Variants in SLC26A7 observed in about 807,000 individuals in gnomAD.
SLC26A7 encodes solute carrier family 26 member 7.
In SLC26A7, 59 loss-of-function variants were observed where a neutral mutation model predicts 82.5. The observed-to-expected ratio is 0.72, with a 90% CI of 0.58 to 0.89. The LOEUF (loss-of-function observed/expected upper bound fraction) is 0.89. Ranked by LOEUF, SLC26A7 falls within the 40% of genes least tolerant of loss-of-function variation. The pLI is 0.00. For synonymous variants in SLC26A7, 271 were observed against 274.3 expected, an observed-to-expected ratio of 0.99 and a Z score of 0.12; for missense variants, 820 against 793.0, an observed-to-expected ratio of 1.03 and a Z score of -0.41.
chr8:91,328,770 G>A (rs1196332045), intron 5 of SLC26A7, among the ~76,000 whole-genome samples: 1 of 152,090 alleles, frequency 6.6e-6, no homozygotes, highest in African/African-American at 2.4e-5. Context: ...GTGTATGTGT[G>A]TGTGTAAATG....
chr8:91,368,894 CA>C (rs1157697531), intron 14 of SLC26A7, among the ~76,000 whole-genome samples: 1 of 152,128 alleles, frequency 6.6e-6, no homozygotes, highest in African/African-American at 2.4e-5. Context: ...ATAAAATAAC[CA>C]GATGGAAATT....
At chr8:91,388,026 A>G (rs1451869574) in intron 15 of SLC26A7, among the ~76,000 whole-genome samples, 3 of 152,374 alleles carry the variant, frequency 2.0e-5, no homozygotes, top group Admixed American at 2.0e-4. Flanking sequence ...TTTCAAATAC[A>G]TAGAAATTAC....
chr8:91,378,385 T>A (rs1480980379), intron 15 of SLC26A7, among the ~76,000 whole-genome samples: 1 of 146,554 alleles, frequency 6.8e-6, no homozygotes, highest in Non-Finnish European at 1.5e-5. Context: ...ATATAAATAA[T>A]ATATATTATA....
rs1812705965 is a variant in SLC26A7, at chr8:91,318,533, T to C, written c.642+153T>C. Among the ~76,000 whole-genome samples the C allele has an allele frequency of 3.3e-5, 5 of 152,146 alleles. No individual in the cohort carries two copies. The South Asian group carries it at 1.0e-3, about 32-fold the overall frequency. On this transcript the variant is annotated intron_variant, in intron 5 of 18. Coordinates refer to ENST00000276609, the MANE Select transcript of SLC26A7 (RefSeq NM_052832.4). ...GATATTTTGAGTGTGACTTAAGGTA[T>C]GCAACTAATTTAGTGAGTAATTTCT...
intron 3 of SLC26A7, among the ~76,000 whole-genome samples, chr8:91,293,561 T>C (rs1380804635): frequency 2.6e-5 from 4 of 152,194 alleles, no homozygotes; most frequent in Non-Finnish European, 5.9e-5. Context: ...TGCTGGCAAG[T>C]CCTCTCTCTG....
At chr8:91,385,667 G>A (rs1814781095) in intron 15 of SLC26A7, among the ~76,000 whole-genome samples, 1 of 152,106 alleles carries the variant, frequency 6.6e-6, no homozygotes, top group Non-Finnish European at 1.5e-5. Flanking sequence ...AAAAAATAAA[G>A]ACGAAGCAAA....
chr8:91,253,683 A>G (rs1022847080), intron 2 of SLC26A7, among the ~76,000 whole-genome samples: 16 of 151,974 alleles, frequency 1.1e-4, no homozygotes, highest in Admixed American at 7.2e-4. Flanking sequence ...ATCCCTCCCA[A>G]TCTCCTGGGA....
At chr8:91,390,262 A>G (rs901169677) in intron 16 of SLC26A7, among the ~76,000 whole-genome samples, 4 of 151,740 alleles carry the variant, frequency 2.6e-5, no homozygotes, top group Admixed American at 1.3e-4. Flanking sequence ...GACTACAGGC[A>G]CCTGCCACCA....
At chr8:91,393,145 A>G (rs982517216) in intron 16 of SLC26A7, among the ~76,000 whole-genome samples, 33 of 152,148 alleles carry the variant, frequency 2.2e-4, no homozygotes, top group African/African-American at 8.0e-4. Context: ...TAAAACGCCT[A>G]AATTTACTTT....
rs756231644 is a variant in SLC26A7, at chr8:91,340,449, G to A, written c.924G>A (p.Val308=). ...RAPPMNILSA[V]ITEAFGVALV... Reference sequence around the variant, plus strand: ...CCCCGATGAACATCCTCTCTGCGGTGATCACTGAAGCTTTCGGAGTGGCAC... The same window carrying A: ...CCCCGATGAACATCCTCTCTGCGGTAATCACTGAAGCTTTCGGAGTGGCAC... Residue 308 remains valine (V), a synonymous_variant, in exon 8 of 19, where the codon GTG becomes GTA. Coordinates refer to ENST00000276609, the MANE Select transcript of SLC26A7 (RefSeq NM_052832.4). 1.2e-6 allele frequency: 2 copies of A among 1,613,966 alleles called. No individual in the cohort carries two copies. Among genetic ancestry groups the A allele is most frequent in the Non-Finnish European group, 8.5e-7 (1 of 1,179,936 alleles).
At chr8:91,216,823 T>C (rs1014009093) in intron 1 of SLC26A7, among the ~76,000 whole-genome samples, 5 of 152,102 alleles carry the variant, frequency 3.3e-5, no homozygotes, top group Admixed American at 6.6e-5. Context: ...GACTAATGTA[T>C]TGTTGATATC....
intron 5 of SLC26A7, among the ~76,000 whole-genome samples, chr8:91,323,168 G>A (rs1188975314): frequency 2.0e-5 from 3 of 152,114 alleles, no homozygotes; most frequent in Non-Finnish European, 1.5e-5. Context: ...TCTCTATTGT[G>A]AATTGTGGGA....
intron 2 of SLC26A7, among the ~76,000 whole-genome samples, chr8:91,276,877 C>T (rs958484906): frequency 2.0e-5 from 3 of 152,180 alleles, no homozygotes; most frequent in African/African-American, 7.2e-5. Context: ...CTGTTGCTGT[C>T]ACTTTCTCTT....
At chr8:91,234,573 A>C (rs772741978) in intron 2 of SLC26A7, among the ~76,000 whole-genome samples, 1 of 151,952 alleles carries the variant, frequency 6.6e-6, no homozygotes, top group African/African-American at 2.4e-5. Flanking sequence ...TACTTGCTCC[A>C]TTCTCAAGTC....
intron 8 of SLC26A7, among the ~76,000 whole-genome samples, chr8:91,342,142 G>T (rs1019884628): frequency 3.3e-5 from 5 of 151,694 alleles, no homozygotes; most frequent in Non-Finnish European, 7.4e-5. Context: ...TGTTGCTCAG[G>T]CTGGTCTCAA....
chr8:91,323,029 A>G (rs535502972), intron 5 of SLC26A7, among the ~76,000 whole-genome samples: 1 of 152,348 alleles, frequency 6.6e-6, no homozygotes, highest in South Asian at 2.1e-4. Flanking sequence ...ACAATTAAAT[A>G]TGTATAAGTG....
chr8:91,380,534 A>C (rs532811983), intron 15 of SLC26A7, among the ~76,000 whole-genome samples: 28 of 152,194 alleles, frequency 1.8e-4, no homozygotes, highest in Non-Finnish European at 3.1e-4. Flanking sequence ...CTAATAAGCT[A>C]TCATTTTCTT....
chr8:91,337,048 G>A (rs982945583), intron 6 of SLC26A7, among the ~76,000 whole-genome samples: 5 of 151,936 alleles, frequency 3.3e-5, no homozygotes, highest in South Asian at 4.2e-4. Context: ...TGCTACTATC[G>A]TATTACAATA....
intron 2 of SLC26A7, among the ~76,000 whole-genome samples, chr8:91,227,963 G>A (rs761711345): frequency 1.3e-5 from 2 of 152,058 alleles, no homozygotes; most frequent in Non-Finnish European, 2.9e-5. Context: ...GTTTTCCCTC[G>A]TGGCCTTGAG....
Sources: allele counts gnomAD v4.1 joint callset (sites outside exome capture counted in the v4.1 genomes callset), GRCh38; gene constraint gnomAD v4.1.1; transcripts MANE v1.5; gene names NCBI Gene and HGNC (gene_info 2026-07-23, HGNC 2026-07-21).